Variants in DPYSL3 observed in about 807,000 individuals in gnomAD.
DPYSL3 encodes dihydropyrimidinase-related protein 3.
In DPYSL3, 16 loss-of-function variants were observed where a neutral mutation model predicts 66.1. The observed-to-expected ratio is 0.24, with a 90% CI of 0.16 to 0.37. The LOEUF is 0.37. Ranked by LOEUF, DPYSL3 falls within the 10% of genes least tolerant of loss-of-function variation. The pLI is 1.00. For synonymous variants in DPYSL3, 338 were observed against 345.1 expected, an observed-to-expected ratio of 0.98 and a Z score of 0.23; for missense variants, 738 against 916.2, an observed-to-expected ratio of 0.81 and a Z score of 2.51.
At chr5:147,500,035 C>T (rs1753579189) in intron 1 of DPYSL3, among the ~76,000 whole-genome samples, 1 of 152,086 alleles carries the variant, frequency 6.6e-6, no homozygotes, top group Non-Finnish European at 1.5e-5. Context: ...CAAAAAATAA[C>T]TCCAAATGGA....
chr5:147,422,639 G>A (rs1208303251), intron 2 of DPYSL3, among the ~76,000 whole-genome samples: 2 of 151,970 alleles, frequency 1.3e-5, no homozygotes, highest in Non-Finnish European at 2.9e-5. Flanking sequence ...AGGAAAATGT[G>A]GCACATATAC....
chr5:147,464,692 G>A (rs1752985886), intron 1 of DPYSL3, among the ~76,000 whole-genome samples: 1 of 152,176 alleles, frequency 6.6e-6, no homozygotes, highest in Non-Finnish European at 1.5e-5. Context: ...ATGGTGACCA[G>A]GGACTCTGCC....
chr5:147,403,840 C>G (rs905422590), intron 8 of DPYSL3, among the ~76,000 whole-genome samples: 3 of 152,170 alleles, frequency 2.0e-5, no homozygotes, highest in African/African-American at 7.2e-5. Flanking sequence ...AATAATACCC[C>G]CATTCCACCC....
At chr5:147,500,699 C>T (rs778040418) in intron 1 of DPYSL3, among the ~76,000 whole-genome samples, 19 of 150,940 alleles carry the variant, frequency 1.3e-4, no homozygotes, top group Non-Finnish European at 2.5e-4. Flanking sequence ...CAGATGGCAA[C>T]TAAACATAAG....
At chr5:147,437,335 C>T (rs958615014) in intron 1 of DPYSL3, among the ~76,000 whole-genome samples, 1 of 152,168 alleles carries the variant, frequency 6.6e-6, no homozygotes, top group Admixed American at 6.5e-5. Flanking sequence ...AGGAGGAATG[C>T]GGGCTCAGGC....
chr5:147,424,820 C>T, intron 2 of DPYSL3, 55 bp downstream of exon 2: 1 of 1,278,434 alleles, frequency 7.8e-7, no homozygotes, highest in South Asian at 1.3e-5. Context: ...CCTTTATGAG[C>T]CATTAATGAA....
At chr5:147,453,281 G>C (rs1354296114) in intron 1 of DPYSL3, among the ~76,000 whole-genome samples, 3 of 152,238 alleles carry the variant, frequency 2.0e-5, no homozygotes, top group African/African-American at 7.2e-5. Flanking sequence ...GGGAACTACC[G>C]GCGGTGGGAA....
In DPYSL3 at chr5:147,509,742, G is replaced by A. The variant is rs983343775; in HGVS notation, c.117C>T (p.Cys39=). Residue 39 remains cysteine (C), a synonymous_variant, in exon 1 of 14, where the codon TGC becomes TGT. Coordinates refer to ENST00000343218, the MANE Select transcript of DPYSL3 (RefSeq NM_001197294.2). This position sits in a 1 kb window ranked among gnomAD's most constrained non-coding sequence, Gnocchi z 5.3. ...TGCTCTCGAAGGCGCCCTCCACGTT[G>A]CAGAACATGCCGCCGTATTTCTGCC... ...VPRQKYGGMF[C]NVEGAFESKT... 1 of 1,535,880 alleles carries A rather than the reference G, an allele frequency of 6.5e-7. No individual in the cohort carries two copies. Among genetic ancestry groups the A allele is most frequent in the African/African-American group, 1.4e-5 (1 of 73,046 alleles).
At chr5:147,455,025 T>C (rs1752819816) in intron 1 of DPYSL3, among the ~76,000 whole-genome samples, 1 of 152,260 alleles carries the variant, frequency 6.6e-6, no homozygotes, top group African/African-American at 2.4e-5. Context: ...TCAATCTTAA[T>C]GTTCTATTAA....
Position 147,418,815 on chromosome 5 carries a change from G to A in DPYSL3, c.471-184C>T, listed in dbSNP as rs553945324. The stretch of plus-strand genomic sequence containing the variant: ...AAGATAGATATACACAGAAAACAAT[G>A]TTTATAGTCACAGAATGATCTGATA... On this transcript the variant is annotated intron_variant, in intron 2 of 13. Coordinates refer to ENST00000343218, the MANE Select transcript of DPYSL3 (RefSeq NM_001197294.2). Among the ~76,000 whole-genome samples, 4 of 152,294 alleles carry A rather than the reference G, an allele frequency of 2.6e-5. No individual in the cohort carries two copies. In the East Asian group the frequency reaches 5.8e-4, roughly 22 times the overall value.
chr5:147,405,941 T>G, intron 7 of DPYSL3: 1 of 489,158 alleles, frequency 2.0e-6, no homozygotes, highest in South Asian at 3.5e-5. Flanking sequence ...TATCCCTCAC[T>G]AGTAAAATAG....
At chr5:147,435,528 C>T (rs1752399773) in intron 1 of DPYSL3, among the ~76,000 whole-genome samples, 1 of 152,098 alleles carries the variant, frequency 6.6e-6, no homozygotes, top group Admixed American at 6.6e-5. Context: ...CTCCTTCTTC[C>T]AAAGCTTAAG....
At chr5:147,419,962 G>A (rs1484156430) in intron 2 of DPYSL3, among the ~76,000 whole-genome samples, 1 of 152,158 alleles carries the variant, frequency 6.6e-6, no homozygotes, top group South Asian at 2.1e-4. Flanking sequence ...TGCCTGGCTT[G>A]TGTGTGTGTT....
intron 1 of DPYSL3, among the ~76,000 whole-genome samples, chr5:147,489,084 T>A (rs1753377464): frequency 6.6e-6 from 1 of 152,072 alleles, no homozygotes; most frequent in Non-Finnish European, 1.5e-5. Flanking sequence ...TGGTAACTGT[T>A]GGAGTCCCTC....
intron 6 of DPYSL3, 41 bp from the exon 7 acceptor site, chr5:147,408,837 T>G: frequency 6.2e-7 from 1 of 1,606,830 alleles, no homozygotes; most frequent in Non-Finnish European, 8.5e-7. Context: ...TAAGCTCAAG[T>G]GAGATTTGGA....
rs535648981 is a variant in DPYSL3 at position 147,500,630 on chromosome 5, A to C, written c.381+8848T>G. Among the ~76,000 whole-genome samples the C allele has an allele frequency of 9.9e-5, 15 of 151,794 alleles. No homozygotes were observed. In the South Asian group the frequency reaches 2.1e-3, roughly 21 times the overall value. The stretch of plus-strand genomic sequence containing the variant: ...CTCCATCTCAAAAAAAAAAAAAAAA[A>C]CTCAATGAAAACAAATAAATGACTC... On this transcript the variant is annotated intron_variant, in intron 1 of 13. Transcript: ENST00000343218.
intron 1 of DPYSL3, among the ~76,000 whole-genome samples, chr5:147,501,729 T>C (rs1279128936): frequency 6.6e-6 from 1 of 152,126 alleles, no homozygotes; most frequent in Admixed American, 6.5e-5. Flanking sequence ...TCCACCCACC[T>C]TAGCCTCCCA....
At chr5:147,451,442 GA>G (rs1251962597) in intron 1 of DPYSL3, among the ~76,000 whole-genome samples, 1 of 152,206 alleles carries the variant, frequency 6.6e-6, no homozygotes, top group African/African-American at 2.4e-5. Context: ...AGACAAAAGG[GA>G]ATCCACTGCA....
intron 1 of DPYSL3, among the ~76,000 whole-genome samples, chr5:147,480,112 T>C (rs1430677765): frequency 1.3e-5 from 2 of 152,180 alleles, no homozygotes; most frequent in African/African-American, 2.4e-5. Context: ...TATTAAGTTC[T>C]GCAAACAGAA....
Sources: allele counts gnomAD v4.1 joint callset (sites outside exome capture counted in the v4.1 genomes callset), GRCh38; gene constraint gnomAD v4.1.1; non-coding constraint Gnocchi (gnomAD v3.1); transcripts MANE v1.5; gene names NCBI Gene and HGNC (gene_info 2026-07-23, HGNC 2026-07-21).